The following TRMT44 variants were observed in gnomAD, a reference collection of about 807,000 sequenced individuals.
TRMT44 encodes the protein probable tRNA (uracil-O(2)-)-methyltransferase.
A neutral mutation model predicts 77.3 loss-of-function variants in TRMT44; 78 were observed. The ratio of observed to expected loss-of-function variants is 1.01; its 90% CI spans 0.84 to 1.22. TRMT44 has a LOEUF of 1.22. Among genes scored for constraint, TRMT44 ranks in the 50% most tolerant of loss-of-function variants. The probability of loss-of-function intolerance (pLI) is 0.00; values close to 1 mark genes in which losing one functional copy is unlikely to be tolerated. For missense variants in TRMT44, 1,090 were observed against 964.4 expected, an observed-to-expected ratio of 1.13 and a Z score of -1.73; for synonymous variants, 391 against 383.3, an observed-to-expected ratio of 1.02 and a Z score of -0.23.
downstream of TRMT44, among the ~76,000 whole-genome samples, chr4:8,480,082 T>G (rs529097663): frequency 3.5e-4 from 53 of 152,230 alleles, no homozygotes; most frequent in African/African-American, 1.3e-3. Flanking sequence ...GCGGTCCTCC[T>G]GTTAGGGGTG....
chr4:8,491,932 G>T (rs940494764), intron 2 of TRMT44, among the ~76,000 whole-genome samples: 1 of 152,244 alleles, frequency 6.6e-6, no homozygotes, highest in Non-Finnish European at 1.5e-5. Context: ...CACTGAGAGC[G>T]AGCGAGGGCT....
intron 2 of TRMT44, among the ~76,000 whole-genome samples, chr4:8,447,100 T>G (rs1243184417): frequency 6.6e-6 from 1 of 152,182 alleles, no homozygotes; most frequent in East Asian, 1.9e-4. Context: ...GGTATCAAAC[T>G]CCTGACCTCA....
At chr4:8,485,031 G>A (rs1162722142) in intron 2 of TRMT44, among the ~76,000 whole-genome samples, 1 of 152,198 alleles carries the variant, frequency 6.6e-6, no homozygotes, top group African/African-American at 2.4e-5. Flanking sequence ...TTCAAAGGAG[G>A]GGCTACAAAG....
chr4:8,471,252 T>C (rs762621625), intron 10 of TRMT44, 52 bp downstream of exon 10: 5 of 1,256,820 alleles, frequency 4.0e-6, no homozygotes, highest in Non-Finnish European at 5.6e-6. Context: ...TCCCCCTTTT[T>C]TCAGTTAAAT....
the TRMT44 span, among the ~76,000 whole-genome samples, chr4:8,500,400 AAG>A: frequency 0.13 from 19,306 of 151,818 alleles, 1,241 homozygotes; most frequent in African/African-American, 0.15. Flanking sequence ...GCTGAGGCAT[AAG>A]AGAGAATCGG....
chr4:8,514,340 T>A, the TRMT44 span, among the ~76,000 whole-genome samples: 1 of 147,328 alleles, frequency 6.8e-6, no homozygotes, highest in Non-Finnish European at 1.5e-5. Context: ...CTGCACCCTC[T>A]GCCTTCCCAT....
the TRMT44 span, chr4:8,507,229 C>T: frequency 1.3e-5 from 2 of 152,396 alleles, no homozygotes; most frequent in Non-Finnish European, 1.5e-5. Flanking sequence ...TATGTGGGCA[C>T]AGCAGAGGAC....
the TRMT44 span, among the ~76,000 whole-genome samples, chr4:8,505,469 G>C: frequency 4.0e-4 from 61 of 152,198 alleles, no homozygotes; most frequent in Admixed American, 2.1e-3. Context: ...GACGTGGTAG[G>C]GTGGATGGAG....
chr4:8,510,037 G>A, the TRMT44 span, among the ~76,000 whole-genome samples: 3 of 152,176 alleles, frequency 2.0e-5, no homozygotes, highest in Non-Finnish European at 2.9e-5. Context: ...GCTGCAGAGC[G>A]AGATCCGGGC....
intron 8 of TRMT44, among the ~76,000 whole-genome samples, chr4:8,467,181 G>A (rs1280875374): frequency 9.2e-5 from 14 of 152,224 alleles, no homozygotes; most frequent in African/African-American, 3.4e-4. Context: ...GCTGGCTCTG[G>A]CAAGGTGGGG....
At chr4:8,501,819 C>T in the TRMT44 span, among the ~76,000 whole-genome samples, 2 of 152,172 alleles carry the variant, frequency 1.3e-5, no homozygotes, top group Non-Finnish European at 2.9e-5. This position sits in a 1 kb window ranked among gnomAD's most constrained non-coding sequence, Gnocchi z 4.4. Flanking sequence ...AGCCCCTGTC[C>T]TTTCTGGGCC....
At chr4:8,475,565 C>T (rs181226502) in intron 10 of TRMT44, among the ~76,000 whole-genome samples, 56 of 152,322 alleles carry the variant, frequency 3.7e-4, no homozygotes, top group Admixed American at 3.6e-3. Context: ...TCACCTTCCC[C>T]GGCCTTGCCT....
chr4:8,501,000 C>T, the TRMT44 span, among the ~76,000 whole-genome samples: 22 of 152,296 alleles, frequency 1.4e-4, no homozygotes, highest in Admixed American at 9.1e-4. Context: ...GATAGAACCA[C>T]TTCCTCAGTG....
chr4:8,472,576 G>GCA (rs143026797), intron 10 of TRMT44, among the ~76,000 whole-genome samples: 1,628 of 152,236 alleles, frequency 0.011, 28 homozygotes, highest in African/African-American at 0.037. Flanking sequence ...GTGGGTTTGT[G>GCA]CACACACACA....
rs942745116 is a variant in TRMT44 at position 8,468,911 on chromosome 4, C to G, written c.1927+565C>G. On this transcript the variant is annotated intron_variant, in intron 9 of 10. Transcript: ENST00000389737. ...GGGCTGTAAGGACCTCGCCTCCTTC[C>G]GGGCAGGGATGCTGCTTGGCCGCCA... Among the ~76,000 whole-genome samples, 16 of 152,342 alleles carry G rather than the reference C, an allele frequency of 1.1e-4. No individual in the cohort carries two copies. In the East Asian group the frequency reaches 2.9e-3, roughly 28 times the overall value.
chr4:8,458,872 T>C (rs554574743), intron 6 of TRMT44, among the ~76,000 whole-genome samples: 41 of 152,228 alleles, frequency 2.7e-4, no homozygotes, highest in African/African-American at 9.4e-4. Context: ...TGGTCAACAA[T>C]AGGCTATGAG....
rs535715451 is a variant in TRMT44, at chr4:8,469,178, C to T, written c.1927+832C>T. On this transcript the variant is annotated intron_variant, in intron 9 of 10. Transcript: ENST00000389737. ...GTACCATGTGTACGTGGGATGGGAC[C>T]GGGCCATGGAGCATAGACGGCCCCT... is the stretch of plus-strand genomic sequence containing the variant. Among the ~76,000 whole-genome samples, 11 of 152,342 alleles carry T rather than the reference C, an allele frequency of 7.2e-5. No individual in the cohort carries two copies. In the East Asian group the frequency reaches 1.9e-3, roughly 27 times the overall value.
At chr4:8,514,801 C>T in the TRMT44 span, among the ~76,000 whole-genome samples, 1 of 152,162 alleles carries the variant, frequency 6.6e-6, no homozygotes, top group Admixed American at 6.5e-5. Flanking sequence ...AAATGTTGTA[C>T]TTAACACAGT....
chr4:8,467,770 G>A, intron 8 of TRMT44, 144 bp from the exon 9 acceptor site: 1 of 911,892 alleles, frequency 1.1e-6, no homozygotes, highest in Non-Finnish European at 1.6e-6. Flanking sequence ...ACCGTACCTG[G>A]CTGGTGTCAG....
Sources: gnomAD v4.1 joint callset for allele counts (sites outside exome capture counted in the v4.1 genomes callset) on GRCh38, gnomAD v4.1.1 for gene constraint, Gnocchi (gnomAD v3.1) non-coding constraint, MANE v1.5 for transcripts, NCBI Gene and HGNC (gene_info 2026-07-23, HGNC 2026-07-21) for gene names.